CLIC5: variants seen among roughly 807,000 people sequenced by gnomAD.
The protein encoded by CLIC5 is chloride intracellular channel protein 5.
CLIC5 carries 20 observed loss-of-function variants against 24.7 expected under a neutral mutation model. The observed-to-expected ratio is 0.81, with a 90% CI of 0.57 to 1.18. The LOEUF is 1.18. Among genes scored for constraint, CLIC5 ranks in the 50% most tolerant of loss-of-function variants. The pLI is 0.00. For synonymous variants in CLIC5, 159 were observed against 135.6 expected (o/e 1.17, Z -1.20); for missense variants, 341 against 326.1 (o/e 1.05, Z -0.35).
chr6:46,007,913 TTC>T (rs1337724658), intron 1 of CLIC5, among the ~76,000 whole-genome samples: 1 of 123,942 alleles, frequency 8.1e-6, no homozygotes, highest in Non-Finnish European at 1.8e-5. Context: ...TTTTTTCTTT[TTC>T]TTTTTTTTTT....
chr6:46,094,213 A>C, the CLIC5 span, among the ~76,000 whole-genome samples: 7 of 152,216 alleles, frequency 4.6e-5, no homozygotes, highest in Non-Finnish European at 1.0e-4. Flanking sequence ...ATTAGACATG[A>C]GATTTGGGCA....
intron 1 of CLIC5, among the ~76,000 whole-genome samples, chr6:46,051,028 CA>C (rs1437794299): frequency 6.6e-6 from 1 of 152,072 alleles, no homozygotes; most frequent in East Asian, 1.9e-4. Context: ...TGGAGAATAC[CA>C]ACTACAAAAA....
intron 4 of CLIC5, among the ~76,000 whole-genome samples, chr6:45,930,376 G>T (rs991673938): frequency 6.6e-6 from 1 of 152,186 alleles, no homozygotes; most frequent in African/African-American, 2.4e-5. Context: ...GTCATTGGGA[G>T]GGGCAGCCAG....
chr6:46,085,053 C>T (rs1763002216), upstream of CLIC5, among the ~76,000 whole-genome samples: 1 of 152,182 alleles, frequency 6.6e-6, no homozygotes, highest in Non-Finnish European at 1.5e-5. Flanking sequence ...TCCTTTCTTC[C>T]AGTTGATCGC....
At chr6:46,056,208 G>T (rs746658823) in intron 1 of CLIC5, among the ~76,000 whole-genome samples, 3 of 152,110 alleles carry the variant, frequency 2.0e-5, no homozygotes, top group Non-Finnish European at 4.4e-5. Flanking sequence ...AGCCCTGTCT[G>T]CCCACCCCTC....
chr6:45,988,449 C>T (rs1765816820), intron 1 of CLIC5, among the ~76,000 whole-genome samples: 1 of 152,160 alleles, frequency 6.6e-6, no homozygotes, highest in Non-Finnish European at 1.5e-5. Context: ...ATGTTAAGCT[C>T]ACAGATACAC....
At chr6:46,050,718 T>G (rs1163775723) in intron 1 of CLIC5, among the ~76,000 whole-genome samples, 1 of 152,228 alleles carries the variant, frequency 6.6e-6, no homozygotes, top group Non-Finnish European at 1.5e-5. Context: ...ACTTTTGAGA[T>G]GGCTTAGGTG....
chr6:45,961,148 G>A (rs1764830330), intron 1 of CLIC5, among the ~76,000 whole-genome samples: 1 of 152,212 alleles, frequency 6.6e-6, no homozygotes, highest in African/African-American at 2.4e-5. Flanking sequence ...CCTGGATGAA[G>A]TATTAGGAAA....
At chr6:45,917,961 C>T (rs11758298) in intron 4 of CLIC5, among the ~76,000 whole-genome samples, 16,092 of 152,270 alleles carry the variant, frequency 0.11, 1,113 homozygotes, top group Non-Finnish European at 0.16. Flanking sequence ...CCTCCAACTA[C>T]AGCAAGTGAG....
chr6:45,985,607 G>A (rs1029833887), intron 1 of CLIC5, among the ~76,000 whole-genome samples: 3 of 152,024 alleles, frequency 2.0e-5, no homozygotes, highest in Non-Finnish European at 2.9e-5. Flanking sequence ...AGTGGGAATA[G>A]CATCAAGGGG....
At chr6:46,094,360 C>T in the CLIC5 span, among the ~76,000 whole-genome samples, 14 of 152,282 alleles carry the variant, frequency 9.2e-5, no homozygotes, top group Admixed American at 2.0e-4. Flanking sequence ...ACTCAAAAGC[C>T]CAATGTCCAA....
At chr6:45,993,084 G>T (rs550478790) in intron 1 of CLIC5, among the ~76,000 whole-genome samples, 2 of 152,326 alleles carry the variant, frequency 1.3e-5, no homozygotes, top group South Asian at 4.2e-4. Context: ...GGAAACAGAT[G>T]CTAGCAATTA....
chr6:46,056,619 A>G (rs1390285553), intron 1 of CLIC5, among the ~76,000 whole-genome samples: 3 of 152,140 alleles, frequency 2.0e-5, no homozygotes, highest in Non-Finnish European at 4.4e-5. Context: ...AACTTACACT[A>G]CAGAAATCAG....
chr6:45,938,428 G>A (rs546086609), intron 4 of CLIC5, among the ~76,000 whole-genome samples: 64 of 152,350 alleles, frequency 4.2e-4, no homozygotes, highest in Middle Eastern at 3.4e-3. Context: ...GAAGGGAGGG[G>A]TGTGGGCAAG....
In CLIC5 at chr6:46,049,580, G is replaced by A. The variant is rs535555617; in HGVS notation, c.540+30123C>T. Among the ~76,000 whole-genome samples, 7 of 152,264 alleles carry A rather than the reference G, an allele frequency of 4.6e-5. 1 individual carries two copies. In the East Asian group the frequency reaches 1.4e-3, roughly 29 times the overall value. ...CAGGCTTTGGAGACCAACAGACCCA[G>A]GTATGAGTCCCCATTTCAATATAAC... On this transcript the variant is annotated intron_variant, in intron 1 of 5. Transcript: ENST00000185206.
chr6:46,099,754 G>A, the CLIC5 span, among the ~76,000 whole-genome samples: 50,497 of 151,994 alleles, frequency 0.33, 8,559 homozygotes, highest in Middle Eastern at 0.45. Flanking sequence ...AATTAAGGGT[G>A]GATGTGTGGA....
the CLIC5 span, among the ~76,000 whole-genome samples, chr6:46,095,182 T>C: frequency 2.6e-5 from 4 of 151,216 alleles, no homozygotes; most frequent in Non-Finnish European, 4.4e-5. Flanking sequence ...CATTCTTCCC[T>C]CCTACGCCTC....
intron 3 of CLIC5, among the ~76,000 whole-genome samples, chr6:45,947,814 G>T (rs990830073): frequency 1.3e-5 from 2 of 152,186 alleles, no homozygotes; most frequent in Non-Finnish European, 2.9e-5. Context: ...ATGTGTGTGT[G>T]TATGTGGGGC....
chr6:46,117,405 A>G, the CLIC5 span, among the ~76,000 whole-genome samples: 2 of 152,214 alleles, frequency 1.3e-5, no homozygotes, highest in Non-Finnish European at 2.9e-5. Context: ...GTAATTCAGC[A>G]GGTTTGGGAA....
Sources: allele counts gnomAD v4.1 joint callset (sites outside exome capture counted in the v4.1 genomes callset), GRCh38; gene constraint gnomAD v4.1.1; transcripts MANE v1.5; gene names NCBI Gene and HGNC (gene_info 2026-07-23, HGNC 2026-07-21).